The following IGSF10 variants were observed in gnomAD, a reference collection of about 807,000 sequenced individuals.
IGSF10 encodes the protein calvaria mechanical force protein 608.
Under a neutral mutation model 128.2 loss-of-function variants are expected in IGSF10, and 126 were observed. That is an observed-to-expected ratio of 0.98 (90% CI 0.85 to 1.14). IGSF10 has a LOEUF of 1.14. IGSF10 is among the 50% of genes most tolerant of loss of function. The probability of loss-of-function intolerance (pLI) is 0.00; values close to 1 mark genes in which losing one functional copy is unlikely to be tolerated. For missense variants in IGSF10, 3,295 were observed against 3,149.8 expected, an observed-to-expected ratio of 1.05 and a Z score of -1.10; for synonymous variants, 1,185 against 1,146.2, an observed-to-expected ratio of 1.03 and a Z score of -0.68.
the IGSF10 span, among the ~76,000 whole-genome samples, chr3:151,558,207 T>C: frequency 2.0e-5 from 3 of 149,990 alleles, no homozygotes; most frequent in South Asian, 6.3e-4. Flanking sequence ...ACATGAGATA[T>C]GAGAAAGGCC....
Position 151,448,527 on chromosome 3 carries a change from T to A in IGSF10, c.1454A>T (p.His485Leu). 6.2e-7 allele frequency: 1 copy of A among 1,614,264 alleles called. No homozygotes were observed. Among genetic ancestry groups the A allele is most frequent in the Non-Finnish European group, 8.5e-7 (1 of 1,180,054 alleles). ...ISRDNNTKLE[H>L]TVLVGGTVGL... ...AACGGTTCCACCTACCAAGACAGTATGTTCCAGCTTAGTATTGTTATCCCT... is the reference window on the plus strand; with the variant it reads ...AACGGTTCCACCTACCAAGACAGTAAGTTCCAGCTTAGTATTGTTATCCCT... The change falls in exon 6 of 8, where the codon CAT (histidine) becomes CTT (leucine). Residue 485 changes from histidine (H) to leucine (L), a missense_variant. Transcript: ENST00000282466.
At chr3:151,542,824 T>C in the IGSF10 span, among the ~76,000 whole-genome samples, 26 of 152,354 alleles carry the variant, frequency 1.7e-4, 1 homozygote, top group South Asian at 3.5e-3. Flanking sequence ...TATATACTTT[T>C]GTCTTGTTAA....
chr3:151,526,327 GTT>G, the IGSF10 span, among the ~76,000 whole-genome samples: 2 of 144,004 alleles, frequency 1.4e-5, no homozygotes, highest in African/African-American at 2.6e-5. Flanking sequence ...TTTCTTGATT[GTT>G]TTTTTTTTCA....
At chr3:151,546,723 A>T in the IGSF10 span, among the ~76,000 whole-genome samples, 2 of 152,026 alleles carry the variant, frequency 1.3e-5, no homozygotes, top group African/African-American at 4.8e-5. Flanking sequence ...CCTCTTCCCC[A>T]TTCTATAAGT....
At chr3:151,568,224 A>G in the IGSF10 span, among the ~76,000 whole-genome samples, 6 of 152,188 alleles carry the variant, frequency 3.9e-5, no homozygotes, top group Admixed American at 3.9e-4. Context: ...ATAATAAATT[A>G]TCCTTATTTC....
chr3:151,500,224 T>C, the IGSF10 span, among the ~76,000 whole-genome samples: 1 of 152,282 alleles, frequency 6.6e-6, no homozygotes, highest in Middle Eastern at 3.4e-3. Flanking sequence ...AAGCTTTAAT[T>C]TGCCACCAGT....
At chr3:151,604,626 C>CACACACACAT in the IGSF10 span, among the ~76,000 whole-genome samples, 44 of 121,544 alleles carry the variant, frequency 3.6e-4, no homozygotes, top group African/African-American at 1.1e-3. Flanking sequence ...CACACACACA[C>CACACACACAT]ATATATATAT....
At chr3:151,584,474 A>G in the IGSF10 span, among the ~76,000 whole-genome samples, 1 of 152,036 alleles carries the variant, frequency 6.6e-6, no homozygotes, top group South Asian at 2.1e-4. Context: ...TGTCTTACTT[A>G]TTTTATGTTG....
the IGSF10 span, among the ~76,000 whole-genome samples, chr3:151,603,359 G>A: frequency 4.6e-5 from 7 of 152,194 alleles, no homozygotes; most frequent in Admixed American, 2.0e-4. Context: ...AGGATTAGAT[G>A]AGAAAACATA....
the IGSF10 span, among the ~76,000 whole-genome samples, chr3:151,617,320 C>CTTCTTCTCCT: frequency 4.1e-3 from 346 of 83,616 alleles, 23 homozygotes; most frequent in Admixed American, 0.03. Flanking sequence ...CTTCTTCTTC[C>CTTCTTCTCCT]CCTCCTCCTC....
chr3:151,510,720 A>G, the IGSF10 span, among the ~76,000 whole-genome samples: 3 of 152,208 alleles, frequency 2.0e-5, no homozygotes, highest in African/African-American at 7.2e-5. Flanking sequence ...CTTTGAAAAA[A>G]AATTAGATGA....
the IGSF10 span, among the ~76,000 whole-genome samples, chr3:151,537,309 T>TAGAC: frequency 3.3e-5 from 5 of 152,180 alleles, no homozygotes; most frequent in African/African-American, 7.2e-5. Context: ...CTCTCAAAGG[T>TAGAC]AGACAGATGC....
the IGSF10 span, among the ~76,000 whole-genome samples, chr3:151,559,315 G>T: frequency 6.6e-6 from 1 of 152,112 alleles, no homozygotes; most frequent in Non-Finnish European, 1.5e-5. Context: ...ACACCTCAAG[G>T]TCTGGCTTCA....
chr3:151,458,129 G>C (rs1194139376), intron 3 of IGSF10, among the ~76,000 whole-genome samples: 1 of 151,178 alleles, frequency 6.6e-6, no homozygotes, highest in Non-Finnish European at 1.5e-5. Flanking sequence ...ATATATGTAT[G>C]TATGTGTGTG....
At chr3:151,501,508 C>T in the IGSF10 span, among the ~76,000 whole-genome samples, 3 of 152,040 alleles carry the variant, frequency 2.0e-5, no homozygotes, top group East Asian at 5.8e-4. Context: ...AGGATCTATT[C>T]AAGTTAGTCA....
chr3:151,524,739 T>C, the IGSF10 span, among the ~76,000 whole-genome samples: 1 of 152,274 alleles, frequency 6.6e-6, no homozygotes, highest in East Asian at 1.9e-4. Flanking sequence ...ACTTTACCTG[T>C]GTAACAAACC....
intron 7 of IGSF10, among the ~76,000 whole-genome samples, chr3:151,442,547 A>ATTTTTTTTTTTT (rs3975406): frequency 8.0e-6 from 1 of 125,544 alleles, no homozygotes; most frequent in Non-Finnish European, 1.6e-5. Context: ...TGCCCGGCTA[A>ATTTTTTTTTTTT]TTTTTTTTTT....
At chr3:151,469,802 C>T in the IGSF10 span, among the ~76,000 whole-genome samples, 1 of 152,152 alleles carries the variant, frequency 6.6e-6, no homozygotes, top group Non-Finnish European at 1.5e-5. Flanking sequence ...ACTCATACTC[C>T]CATGCAGGAG....
At chr3:151,595,207 G>A in the IGSF10 span, among the ~76,000 whole-genome samples, 21 of 152,150 alleles carry the variant, frequency 1.4e-4, no homozygotes, top group Middle Eastern at 0.01. Context: ...ACAGTATGGA[G>A]GTTACTCAAA....
Sources: allele counts gnomAD v4.1 joint callset (sites outside exome capture counted in the v4.1 genomes callset), GRCh38; gene constraint gnomAD v4.1.1; transcripts MANE v1.5; gene names NCBI Gene and HGNC (gene_info 2026-07-23, HGNC 2026-07-21).